Variants in KLRG1 observed in about 807,000 individuals in gnomAD.
KLRG1 encodes killer cell lectin like receptor G1, also known as killer cell lectin-like receptor subfamily G member 1.
Under a neutral mutation model 21.8 loss-of-function variants are expected in KLRG1, and 16 were observed. The ratio of observed to expected loss-of-function variants is 0.73; its 90% confidence interval spans 0.50 to 1.11. The LOEUF (loss-of-function observed/expected upper bound fraction) is 1.11. KLRG1 is among the 50% of genes most tolerant of loss of function. The pLI, the probability that KLRG1 is intolerant of heterozygous loss-of-function variation, is 0.00. For synonymous variants in KLRG1, 69 were observed against 75.9 expected (o/e 0.91, Z 0.47); for missense variants, 173 against 218.3 (o/e 0.79, Z 1.31).
At chr12:9,111,253 A>G in the KLRG1 span, among the ~76,000 whole-genome samples, 1 of 152,210 alleles carries the variant, frequency 6.6e-6, no homozygotes, top group African/African-American at 2.4e-5. Context: ...CAAAAGAACA[A>G]TAAACCATGT....
At chr12:9,094,350 T>TATATATATATATATATATATATATATAC in the KLRG1 span, among the ~76,000 whole-genome samples, 1 of 142,372 alleles carries the variant, frequency 7.0e-6, no homozygotes, top group Non-Finnish European at 1.5e-5. Context: ...CATATATATA[T>TATATATATATATATATATATATATATAC]ATATATATAT....
chr12:9,003,524 T>G (rs1442237991), intron 3 of KLRG1, among the ~76,000 whole-genome samples: 4 of 152,044 alleles, frequency 2.6e-5, no homozygotes, highest in Admixed American at 6.5e-5. Flanking sequence ...TTTAAACAAG[T>G]TGGTTAAGAA....
the KLRG1 span, among the ~76,000 whole-genome samples, chr12:9,105,987 A>G: frequency 1.3e-5 from 2 of 152,190 alleles, no homozygotes; most frequent in African/African-American, 2.4e-5. Context: ...GAAGGGGGGA[A>G]AACTCTACTA....
At chr12:9,067,965 T>G in the KLRG1 span, 1 of 1,052,566 alleles carries the variant, frequency 9.5e-7, no homozygotes, top group Non-Finnish European at 1.4e-6. Flanking sequence ...GGAAACCAAA[T>G]CTATTCCAAA....
At chr12:8,977,658 C>T (rs1018976995) in intron 1 of KLRG1, among the ~76,000 whole-genome samples, 1 of 151,926 alleles carries the variant, frequency 6.6e-6, no homozygotes, top group African/African-American at 2.4e-5. Flanking sequence ...TCTTCTCTTC[C>T]TCTCTTGCTG....
the KLRG1 span, chr12:9,194,318 GCTATAA>G: frequency 1.5e-6 from 2 of 1,359,222 alleles, no homozygotes; most frequent in Non-Finnish European, 2.0e-6. Flanking sequence ...TGCTTTTGCT[GCTATAA>G]CTAAAACAAC....
intron 1 of KLRG1, among the ~76,000 whole-genome samples, chr12:8,983,620 C>T (rs1320063786): frequency 6.6e-6 from 1 of 151,884 alleles, no homozygotes; most frequent in African/African-American, 2.4e-5. Flanking sequence ...AGGCTGGTCT[C>T]GAACTGGTGA....
chr12:8,956,195 G>C (rs1388962961), intron 1 of KLRG1, among the ~76,000 whole-genome samples: 1 of 152,220 alleles, frequency 6.6e-6, no homozygotes, highest in African/African-American at 2.4e-5. Flanking sequence ...GTGAAAGGCT[G>C]TAGCCCTCCT....
chr12:9,109,551 C>A, the KLRG1 span: 2 of 665,450 alleles, frequency 3.0e-6, no homozygotes. Flanking sequence ...TATCTATCCT[C>A]CTCTCAAATG....
chr12:9,198,388 ATTC>A, the KLRG1 span, among the ~76,000 whole-genome samples: 1 of 152,168 alleles, frequency 6.6e-6, no homozygotes, highest in Admixed American at 6.6e-5. Context: ...ATTTTCTATC[ATTC>A]TTCTTTATTT....
chr12:9,141,224 C>T, the KLRG1 span, among the ~76,000 whole-genome samples: 1 of 152,142 alleles, frequency 6.6e-6, no homozygotes, highest in African/African-American at 2.4e-5. Flanking sequence ...CTTTGGAACA[C>T]ATACCAATAA....
the KLRG1 span, among the ~76,000 whole-genome samples, chr12:9,207,739 G>A: frequency 6.6e-6 from 1 of 152,222 alleles, no homozygotes; most frequent in Admixed American, 6.5e-5. Context: ...TAGAGGAGAG[G>A]AACTGGGGAG....
chr12:9,146,997 G>A, the KLRG1 span, among the ~76,000 whole-genome samples: 1 of 152,306 alleles, frequency 6.6e-6, no homozygotes, highest in South Asian at 2.1e-4. Context: ...AGGATTAATG[G>A]CATCTAGAAT....
the KLRG1 span, among the ~76,000 whole-genome samples, chr12:9,168,242 A>G: frequency 5.3e-4 from 81 of 152,338 alleles, no homozygotes; most frequent in African/African-American, 1.9e-3. Context: ...CCCACTTCAC[A>G]TATAGGATAT....
chr12:9,192,247 T>G, the KLRG1 span: 4 of 1,614,010 alleles, frequency 2.5e-6, no homozygotes, highest in East Asian at 6.7e-5. Context: ...ATGACTCCCT[T>G]AGCCATGATC....
the KLRG1 span, among the ~76,000 whole-genome samples, chr12:9,185,815 T>TTTTC: frequency 1.4e-5 from 2 of 147,152 alleles, no homozygotes; most frequent in East Asian, 2.0e-4. Flanking sequence ...TTTTCTTTTC[T>TTTTC]TTTTTTTTTT....
chr12:8,996,896 G>A (rs761714005), intron 3 of KLRG1, among the ~76,000 whole-genome samples: 8 of 152,234 alleles, frequency 5.3e-5, no homozygotes, highest in South Asian at 4.1e-4. Flanking sequence ...GAAACATTGA[G>A]GGCAAAACTG....
At chr12:9,165,487 T>A in the KLRG1 span, 2 of 1,080,374 alleles carry the variant, frequency 1.9e-6, no homozygotes, top group South Asian at 3.2e-5. Context: ...TATATGCGAG[T>A]GTGCATTCGT....
At chr12:9,175,505 T>C in the KLRG1 span, among the ~76,000 whole-genome samples, 1 of 152,112 alleles carries the variant, frequency 6.6e-6, no homozygotes, top group African/African-American at 2.4e-5. Context: ...CAAAAGGAAC[T>C]ATCATTAGAG....
Sources: allele counts gnomAD v4.1 joint callset (sites outside exome capture counted in the v4.1 genomes callset), GRCh38; gene constraint gnomAD v4.1.1; transcripts MANE v1.5; gene names NCBI Gene and HGNC (gene_info 2026-07-23, HGNC 2026-07-21).